Variants in GRIP1 observed in about 807,000 individuals in gnomAD.
GRIP1 encodes glutamate receptor-interacting protein 1.
GRIP1 carries 45 observed loss-of-function variants against 129.9 expected under a neutral mutation model. The ratio of observed to expected loss-of-function variants is 0.35; its 90% CI spans 0.27 to 0.44. The LOEUF is 0.44. Among genes scored for constraint, GRIP1 ranks in the 20% least tolerant of loss-of-function variants. The pLI is 1.00. For synonymous variants in GRIP1, 530 were observed against 520.8 expected (o/e 1.02, Z -0.24); for missense variants, 1,196 against 1,396.8 (o/e 0.86, Z 2.29).
chr12:66,852,478 C>T (rs2137082984), intron 1 of GRIP1, among the ~76,000 whole-genome samples: 1 of 151,430 alleles, frequency 6.6e-6, no homozygotes, highest in Middle Eastern at 3.4e-3. Context: ...AATGATTAGA[C>T]ACACTAACAA....
At chr12:66,708,074 A>G (rs555475292) in intron 1 of GRIP1, among the ~76,000 whole-genome samples, 110 of 152,116 alleles carry the variant, frequency 7.2e-4, no homozygotes, top group African/African-American at 2.5e-3. Flanking sequence ...GTCTAAAAGG[A>G]CATCTTTTCA....
chr12:66,701,643 C>T (rs541126311), intron 1 of GRIP1, among the ~76,000 whole-genome samples: 16 of 152,262 alleles, frequency 1.1e-4, no homozygotes, highest in Non-Finnish European at 1.5e-4. Flanking sequence ...CAGTGCAGTG[C>T]CCCAGAATTC....
intron 1 of GRIP1, among the ~76,000 whole-genome samples, chr12:66,938,260 C>T (rs759202046): frequency 2.0e-5 from 3 of 152,026 alleles, no homozygotes; most frequent in Non-Finnish European, 4.4e-5. Context: ...CCTGTAGTCC[C>T]AGCTACTTGG....
chr12:66,973,423 C>T (rs368146196), intron 1 of GRIP1, among the ~76,000 whole-genome samples: 2 of 140,724 alleles, frequency 1.4e-5, no homozygotes, highest in African/African-American at 5.4e-5. Flanking sequence ...CAAAACCCCT[C>T]TTTCAGCCTG....
At chr12:66,846,255 T>G (rs6581721) in intron 1 of GRIP1, among the ~76,000 whole-genome samples, 56,545 of 152,028 alleles carry the variant, frequency 0.37, 10,619 homozygotes, top group African/African-American at 0.42. Context: ...CTCCTTGACA[T>G]TTTCCCTTGA....
chr12:66,507,424 C>T (rs1016215884), intron 7 of GRIP1, among the ~76,000 whole-genome samples: 6 of 147,198 alleles, frequency 4.1e-5, no homozygotes, highest in Non-Finnish European at 7.4e-5. Flanking sequence ...GGTGAAAGAG[C>T]GAGACTCCAT....
At chr12:66,959,801 AAAGT>A (rs1170550285) in intron 1 of GRIP1, among the ~76,000 whole-genome samples, 12 of 152,270 alleles carry the variant, frequency 7.9e-5, no homozygotes, top group Non-Finnish European at 1.5e-5. Flanking sequence ...CATTTTTAGA[AAAGT>A]ATGTACATAG....
chr12:66,981,635 GC>G (rs1359127803), intron 1 of GRIP1, among the ~76,000 whole-genome samples: 1 of 152,130 alleles, frequency 6.6e-6, no homozygotes, highest in Non-Finnish European at 1.5e-5. Flanking sequence ...TAGCTTTACA[GC>G]AAGGTTCTGA....
At position 66,941,606 on chromosome 12, in the gene GRIP1, G is replaced by A. The variant is rs574910184; in HGVS notation, c.58+127444C>T. On this transcript the variant is annotated intron_variant, in intron 1 of 1. Coordinates refer to the GRIP1 transcript ENST00000643019. The stretch of plus-strand genomic sequence containing the variant: ...TTCCTTCAACTCATGTGGCTTTACC[G>A]TGAGGAGCTGCTACAGGTGTCATTT... 7.9e-5 allele frequency among the ~76,000 whole-genome samples: 12 copies of A among 152,206 alleles called. No homozygotes were observed. The South Asian group carries it at 1.9e-3, about 24-fold the overall frequency.
chr12:66,478,569 A>G (rs2059695829), intron 7 of GRIP1, among the ~76,000 whole-genome samples: 1 of 152,232 alleles, frequency 6.6e-6, no homozygotes, highest in Non-Finnish European at 1.5e-5. Context: ...CTGTAAAGAC[A>G]CATGCACACG....
chr12:66,757,561 T>C (rs1018310183), intron 1 of GRIP1, among the ~76,000 whole-genome samples: 3 of 152,204 alleles, frequency 2.0e-5, no homozygotes, highest in African/African-American at 7.2e-5. Flanking sequence ...TATAGGAGTA[T>C]TGCAGATACT....
At chr12:66,795,764 C>T (rs1307776624) in intron 1 of GRIP1, among the ~76,000 whole-genome samples, 3 of 152,130 alleles carry the variant, frequency 2.0e-5, no homozygotes, top group Non-Finnish European at 4.4e-5. Flanking sequence ...AGACCCTGTA[C>T]AACTTTGTGC....
At chr12:66,558,706 G>T (rs757902756) in intron 2 of GRIP1, among the ~76,000 whole-genome samples, 1 of 152,022 alleles carries the variant, frequency 6.6e-6, no homozygotes, top group Non-Finnish European at 1.5e-5. Context: ...TCCCAGCAAA[G>T]AAAAGTCCAG....
At chr12:66,997,614 CCAGT>C (rs1476642163) in intron 1 of GRIP1, among the ~76,000 whole-genome samples, 2 of 152,050 alleles carry the variant, frequency 1.3e-5, no homozygotes, top group Non-Finnish European at 2.9e-5. Context: ...AAGCTTGAAG[CCAGT>C]CAATATGAAG....
chr12:66,409,623 T>A (rs1183955297), intron 15 of GRIP1, among the ~76,000 whole-genome samples: 1 of 152,100 alleles, frequency 6.6e-6, no homozygotes, highest in African/African-American at 2.4e-5. Context: ...ACAATTCAAT[T>A]CTCAGACACC....
At chr12:66,577,432 T>C (rs1279248904) in intron 2 of GRIP1, among the ~76,000 whole-genome samples, 1 of 152,216 alleles carries the variant, frequency 6.6e-6, no homozygotes, top group Admixed American at 6.5e-5. Context: ...TATGTGTATG[T>C]GATGCACGCA....
At chr12:66,377,321 G>T in intron 20 of GRIP1, 36 bp from the exon 21 acceptor site, 2 of 1,339,112 alleles carry the variant, frequency 1.5e-6, no homozygotes, top group South Asian at 1.2e-5. Flanking sequence ...TTAGGAACTT[G>T]CCAGACATTT....
At position 66,465,270 on chromosome 12, in the gene GRIP1, CT is replaced by C; in HGVS notation, c.872+4del. 6.2e-7 allele frequency: 1 copy of C among 1,613,162 alleles called. No individual in the cohort carries two copies. The highest frequency in any genetic ancestry group is 8.5e-7 in the Non-Finnish European group (1 of 1,179,268). ...GGAAAAGTAGGCACTTTCTACAATA[CT>C]TACCTGTCTGCAATACTTGCAGATT... On this transcript the variant is annotated splice_donor_region_variant and intron_variant, in intron 8 of 24. Transcript: ENST00000359742.
chr12:66,558,850 AC>A (rs2062421991), intron 2 of GRIP1, among the ~76,000 whole-genome samples: 1 of 152,136 alleles, frequency 6.6e-6, no homozygotes. Flanking sequence ...TTACCCTGAT[AC>A]CAAAACCAAA....
Sources: allele counts gnomAD v4.1 joint callset (sites outside exome capture counted in the v4.1 genomes callset), GRCh38; gene constraint gnomAD v4.1.1; transcripts MANE v1.5; gene names NCBI Gene and HGNC (gene_info 2026-07-23, HGNC 2026-07-21).